CGNL1: variants seen among roughly 807,000 people sequenced by gnomAD.
CGNL1 encodes the protein cingulin like 1, also known as cingulin-like protein 1.
CGNL1 carries 132 observed loss-of-function variants against 141.2 expected under a neutral mutation model. The observed-to-expected ratio is 0.93, with a 90% CI of 0.81 to 1.08. The LOEUF (loss-of-function observed/expected upper bound fraction) is 1.08, where lower values mean the gene tolerates loss of function less well. Ranked by LOEUF, CGNL1 falls within the 50% of genes least tolerant of loss-of-function variation. CGNL1 has a pLI of 0.00. For missense variants in CGNL1, 1,870 were observed against 1,588.6 expected (o/e 1.18, Z -3.01); for synonymous variants, 690 against 622.1 (o/e 1.11, Z -1.63).
intron 8 of CGNL1, among the ~76,000 whole-genome samples, chr15:57,500,338 G>C (rs907508211): frequency 2.0e-5 from 3 of 152,200 alleles, no homozygotes; most frequent in Non-Finnish European, 1.5e-5. Flanking sequence ...CAGGGAGTGG[G>C]AGAGGAATTA....
At chr15:57,471,836 T>G (rs981281120) in intron 8 of CGNL1, among the ~76,000 whole-genome samples, 16 of 152,222 alleles carry the variant, frequency 1.1e-4, no homozygotes, top group African/African-American at 3.9e-4. Flanking sequence ...GGTCATTAAT[T>G]AAGCAAATAT....
chr15:57,411,641 C>T (rs540701698), intron 1 of CGNL1, among the ~76,000 whole-genome samples: 1 of 152,040 alleles, frequency 6.6e-6, no homozygotes, highest in African/African-American at 2.4e-5. Context: ...GATGAGGTTT[C>T]ACCATTTTGG....
chr15:57,450,433 C>T (rs1027534830), intron 4 of CGNL1, among the ~76,000 whole-genome samples: 6 of 152,118 alleles, frequency 3.9e-5, no homozygotes, highest in East Asian at 3.9e-4. Context: ...TGTGCCACTA[C>T]GCCCGGCTAA....
intron 8 of CGNL1, among the ~76,000 whole-genome samples, chr15:57,513,253 G>GGGGGGT: frequency 7.5e-6 from 1 of 134,000 alleles, no homozygotes; most frequent in South Asian, 2.6e-4. Context: ...TGTCAATATG[G>GGGGGGT]GTGTGTGTGT....
chr15:57,507,693 C>T (rs2064122179), intron 8 of CGNL1, among the ~76,000 whole-genome samples: 2 of 152,152 alleles, frequency 1.3e-5, no homozygotes, highest in South Asian at 4.1e-4. Flanking sequence ...ATGGCCCTCA[C>T]CTCTGGATGC....
intron 8 of CGNL1, among the ~76,000 whole-genome samples, chr15:57,495,669 T>A (rs1177509648): frequency 6.6e-6 from 1 of 152,182 alleles, no homozygotes; most frequent in East Asian, 1.9e-4. Context: ...CACTGATGAA[T>A]GATTTTGGGG....
At chr15:57,394,073 C>T (rs1461461265) in intron 1 of CGNL1, 1 of 135,162 alleles carries the variant, frequency 7.4e-6, no homozygotes, top group African/African-American at 2.6e-5. Flanking sequence ...GGACCACAGG[C>T]ACGCACCACC....
Position 57,545,450 on chromosome 15 carries a change from C to T in CGNL1, c.3501-142C>T. ...CGTCTCTCACAAGCAGCTTTTTCTGCTGTGAAGTTGTGTTTCCCTGACCCT... is the reference window on the plus strand; with the variant it reads ...CGTCTCTCACAAGCAGCTTTTTCTGTTGTGAAGTTGTGTTTCCCTGACCCT... On this transcript the variant is annotated intron_variant, in intron 16 of 18. Coordinates refer to ENST00000281282, the MANE Select transcript of CGNL1 (RefSeq NM_032866.5). 9.3e-6 allele frequency: 6 copies of T among 642,866 alleles called. No individual in the cohort carries two copies. The South Asian group carries it at 1.0e-4, about 11-fold the overall frequency. The allele number at this position is 642,866 out of a possible 1,614,324, so 39.8% of individuals were successfully genotyped here.
Position 57,383,509 on chromosome 15 carries a change from A to G in CGNL1, c.-16+6942A>G, listed in dbSNP as rs578231588. On this transcript the variant is annotated intron_variant, in intron 1 of 18. Coordinates refer to ENST00000281282, the MANE Select transcript of CGNL1 (RefSeq NM_032866.5). ...GAGATGGGGTTTCACCATGTTAGCC[A>G]GGATGGTCTCTATCTCCTGACCTCG... Among the ~76,000 whole-genome samples, 511 of 152,194 alleles carry G rather than the reference A, an allele frequency of 3.4e-3. 2 individuals are homozygous for G. The highest frequency in any genetic ancestry group is 5.6e-3 in the Non-Finnish European group (378 of 68,016).
chr15:57,440,871 A>AT (rs2063177977), intron 3 of CGNL1, among the ~76,000 whole-genome samples: 1 of 151,986 alleles, frequency 6.6e-6, no homozygotes, highest in South Asian at 2.1e-4. Context: ...CAGAGTTAAC[A>AT]TTGGCCAAGA....
chr15:57,395,398 C>T (rs759316914), intron 1 of CGNL1, among the ~76,000 whole-genome samples: 3 of 152,252 alleles, frequency 2.0e-5, no homozygotes, highest in Non-Finnish European at 4.4e-5. Flanking sequence ...TGACTCCTGC[C>T]AGTTTCTTTT....
At chr15:57,462,958 T>A (rs2063465422) in intron 8 of CGNL1, among the ~76,000 whole-genome samples, 1 of 152,214 alleles carries the variant, frequency 6.6e-6, no homozygotes, top group African/African-American at 2.4e-5. Flanking sequence ...TGCCTGTTAT[T>A]TGCATCTCAT....
At chr15:57,448,052 A>G (rs2063278438) in intron 4 of CGNL1, among the ~76,000 whole-genome samples, 1 of 152,016 alleles carries the variant, frequency 6.6e-6, no homozygotes, top group Non-Finnish European at 1.5e-5. Flanking sequence ...CATGCCTGTA[A>G]TCCTGGGAGT....
chr15:57,529,331 A>G (rs1238800231), intron 13 of CGNL1, among the ~76,000 whole-genome samples: 7 of 152,196 alleles, frequency 4.6e-5, no homozygotes, highest in African/African-American at 1.4e-4. Flanking sequence ...ACTGTGGTAT[A>G]CATAGTATGT....
At chr15:57,464,940 T>C (rs1443895955) in intron 8 of CGNL1, among the ~76,000 whole-genome samples, 3 of 151,816 alleles carry the variant, frequency 2.0e-5, no homozygotes, top group Non-Finnish European at 2.9e-5. Flanking sequence ...TTAGTAGAGA[T>C]GGGCTTTCGT....
intron 11 of CGNL1, 54 bp downstream of exon 11, chr15:57,523,695 C>T: frequency 6.3e-7 from 1 of 1,594,460 alleles, no homozygotes. Flanking sequence ...TTGTTGGACC[C>T]AGTCCCCTCT....
chr15:57,497,907 G>C (rs1235559850), intron 8 of CGNL1, among the ~76,000 whole-genome samples: 1 of 152,236 alleles, frequency 6.6e-6, no homozygotes, highest in East Asian at 1.9e-4. Context: ...TGCCCTCAGT[G>C]TCACGCTGAG....
At position 57,528,640 on chromosome 15, in the gene CGNL1, G is replaced by C; in HGVS notation, c.3040-14G>C. Reference sequence around the variant, plus strand: ...TGCACCCCAGAAAACCATCCCAGCTGTCTCTCCTCCTAGATGCGTCTGATG... The same window carrying C: ...TGCACCCCAGAAAACCATCCCAGCTCTCTCTCCTCCTAGATGCGTCTGATG... On this transcript the variant is annotated splice_polypyrimidine_tract_variant and intron_variant, in intron 12 of 18. Coordinates refer to ENST00000281282, the MANE Select transcript of CGNL1 (RefSeq NM_032866.5). 6.2e-7 allele frequency: 1 copy of C among 1,613,590 alleles called. No individual in the cohort carries two copies. The highest frequency in any genetic ancestry group is 8.5e-7 in the Non-Finnish European group (1 of 1,179,724).
At position 57,438,224 on chromosome 15, in the gene CGNL1, C is replaced by T. The variant is rs1481456615; in HGVS notation, c.225C>T (p.Pro75=). 2 of 1,614,202 alleles carry T rather than the reference C, an allele frequency of 1.2e-6. No homozygotes were observed. The highest frequency in any genetic ancestry group is 1.7e-6 in the Non-Finnish European group (2 of 1,180,022). ...CATCGTTTTCTGAAAATGGGCCACC[C>T]TTTCCACCTCCAGTGATAAATAACC... ...AGTSFSENGP[P]FPPPVINNLP... The change falls in exon 2 of 19, where the codon CCC becomes CCT. Residue 75 remains proline (P), a synonymous_variant. Transcript: ENST00000281282.
Sources: gnomAD v4.1 joint callset for allele counts (sites outside exome capture counted in the v4.1 genomes callset) on GRCh38, gnomAD v4.1.1 for gene constraint, MANE v1.5 for transcripts, NCBI Gene and HGNC (gene_info 2026-07-23, HGNC 2026-07-21) for gene names.